The following THAP4 variants were observed in gnomAD, a reference collection of about 807,000 sequenced individuals.
THAP4 encodes the protein THAP domain containing 4, also known as peroxynitrite isomerase THAP4.
THAP4 carries 18 observed loss-of-function variants against 48.1 expected under a neutral mutation model. That is an observed-to-expected ratio of 0.37 (90% CI 0.26 to 0.56). THAP4 has a LOEUF of 0.56. THAP4 is among the 20% of genes least tolerant of loss of function. The pLI, the probability that THAP4 is intolerant of heterozygous loss-of-function variation, is 0.78. For missense variants in THAP4, 656 were observed against 774.9 expected (o/e 0.85, Z 1.82); for synonymous variants, 345 against 324.9 (o/e 1.06, Z -0.66).
At chr2:241,623,003 G>A (rs1008944078) in intron 2 of THAP4, among the ~76,000 whole-genome samples, 13 of 149,330 alleles carry the variant, frequency 8.7e-5, no homozygotes, top group African/African-American at 2.7e-4. Context: ...GGATCACAAT[G>A]TCAGGAGATC....
chr2:241,602,924 G>A (rs746952811), intron 4 of THAP4, 46 bp downstream of exon 4: 1 of 1,436,110 alleles, frequency 7.0e-7, no homozygotes, highest in Non-Finnish European at 9.8e-7. Flanking sequence ...AATGCAGGCA[G>A]CAGCCTCCCA....
At chr2:241,620,601 C>G (rs1397076385) in intron 2 of THAP4, among the ~76,000 whole-genome samples, 1 of 105,438 alleles carries the variant, frequency 9.5e-6, no homozygotes, top group African/African-American at 3.9e-5. Flanking sequence ...GTGAGTGAGT[C>G]AGTGAGTGAG....
chr2:241,633,007 C>T lies in THAP4; in HGVS notation c.1150G>A (p.Asp384Asn), dbSNP rs762065419. 150 of 1,613,570 alleles carry T rather than the reference C, an allele frequency of 9.3e-5. 1 individual carries two copies. Among genetic ancestry groups the T allele is most frequent in the South Asian group, 5.8e-4 (53 of 91,040 alleles). Residue 384 changes from aspartate (D) to asparagine (N), a missense_variant, in exon 2 of 6, where the codon GAC becomes AAC. Physicochemically the swap from Asp to Asn is conservative, Grantham distance 23. Coordinates refer to ENST00000407315, the MANE Select transcript of THAP4 (RefSeq NM_015963.6). The surrounding 1 kb of genome is among the most constrained non-coding windows in gnomAD (Gnocchi z 7.5). The part of the protein sequence containing the change: ...KSLRQRVSRS[D>N]SQVRKLQEKL... ...TCCTGTAGCTTCCGCACCTGGCTGT[C>T]GGAGCGGCTGACCCTCTGCCGCAGG... is the stretch of plus-strand genomic sequence containing the variant.
chr2:241,612,295 TAGA>T lies in THAP4; in HGVS notation c.1241-5825_1241-5823del, dbSNP rs1252839885. Among the ~76,000 whole-genome samples the T allele has an allele frequency of 2.0e-5, 3 of 151,828 alleles. No homozygotes were observed. The highest frequency in any genetic ancestry group is 7.3e-5 in the African/African-American group (3 of 41,294). The stretch of plus-strand genomic sequence containing the variant: ...AAAGATAGAGAAATGGAAACAAAGT[TAGA>T]AGGACGGGAACGCCTGGCACACTGC... On this transcript the variant is annotated intron_variant, in intron 2 of 5. Transcript: ENST00000407315. The surrounding 1 kb of genome is among the most constrained non-coding windows in gnomAD (Gnocchi z 4.1).
chr2:241,595,157 T>G (rs545558379), intron 5 of THAP4, among the ~76,000 whole-genome samples: 1 of 152,046 alleles, frequency 6.6e-6, no homozygotes, highest in Admixed American at 6.6e-5. Context: ...GGATTACAGG[T>G]GCCTGTCACC....
At chr2:241,627,782 A>G (rs1192204084) in intron 2 of THAP4, among the ~76,000 whole-genome samples, 1 of 152,136 alleles carries the variant, frequency 6.6e-6, no homozygotes, top group Non-Finnish European at 1.5e-5. Flanking sequence ...TCCTCTCCCC[A>G]CCACACCCTC....
chr2:241,585,260 G>A (rs113679760), intron 5 of THAP4, among the ~76,000 whole-genome samples: 71 of 152,238 alleles, frequency 4.7e-4, no homozygotes, highest in Non-Finnish European at 8.1e-4. Context: ...AAGAATCCAA[G>A]CCTATGGCAG....
intron 2 of THAP4, among the ~76,000 whole-genome samples, chr2:241,629,827 GGGA>G (rs2067535572): frequency 6.6e-6 from 1 of 151,554 alleles, no homozygotes; most frequent in African/African-American, 2.4e-5. Context: ...AGAACCACAG[GGGA>G]GGTCTACCTC....
chr2:241,590,496 T>C (rs62192979), intron 5 of THAP4, among the ~76,000 whole-genome samples: 2,978 of 114,730 alleles, frequency 0.026, 16 homozygotes, highest in Middle Eastern at 0.047. Flanking sequence ...GCTCGGCTGA[T>C]GATAATGGGC....
chr2:241,602,883 T>A lies in THAP4; in HGVS notation c.1510+87A>T, dbSNP rs6437269. 3.9e-6 allele frequency: 4 copies of A among 1,015,860 alleles called. No homozygotes were observed. The African/African-American group carries it at 4.7e-5, about 12-fold the overall frequency. 62.9% of individuals were successfully genotyped at this position (1,015,860 alleles called of 1,614,324 possible). On this transcript the variant is annotated intron_variant, in intron 4 of 5. Transcript: ENST00000407315. ...CCACCAGCACATGCCTCAGCAGGGTTGCACATGGGCATCCCTGCACCCCTG... is the reference window on the plus strand; with the variant it reads ...CCACCAGCACATGCCTCAGCAGGGTAGCACATGGGCATCCCTGCACCCCTG...
intron 1 of THAP4, among the ~76,000 whole-genome samples, chr2:241,635,203 T>C (rs957630811): frequency 2.0e-5 from 3 of 152,154 alleles, no homozygotes; most frequent in Non-Finnish European, 2.9e-5. Flanking sequence ...GAGGACCACT[T>C]GGGTCCAGGA....
intron 2 of THAP4, among the ~76,000 whole-genome samples, chr2:241,624,488 A>AC (rs1377349378): frequency 6.6e-6 from 1 of 151,330 alleles, no homozygotes; most frequent in African/African-American, 2.4e-5. Flanking sequence ...TCTTTCTCAA[A>AC]AAAAAAAAAA....
At chr2:241,604,974 A>G (rs1166840139) in intron 3 of THAP4, among the ~76,000 whole-genome samples, 1 of 152,202 alleles carries the variant, frequency 6.6e-6, no homozygotes, top group Non-Finnish European at 1.5e-5. Flanking sequence ...ACACACACAA[A>G]CACACATACC....
chr2:241,611,734 A>C (rs2067280224), intron 2 of THAP4, among the ~76,000 whole-genome samples: 1 of 151,910 alleles, frequency 6.6e-6, no homozygotes, highest in Non-Finnish European at 1.5e-5. Context: ...CAAAAAAAAA[A>C]AAAAAAAAAT....
chr2:241,636,439 G>C (rs1212123532), intron 1 of THAP4, among the ~76,000 whole-genome samples: 1 of 152,190 alleles, frequency 6.6e-6, no homozygotes, highest in Non-Finnish European at 1.5e-5. Context: ...AGGGAGCGCA[G>C]GAGGATGCCG....
At chr2:241,592,580 A>AACACCCACACAAACAGTAAAG (rs1320490537) in intron 5 of THAP4, among the ~76,000 whole-genome samples, 11 of 152,110 alleles carry the variant, frequency 7.2e-5, no homozygotes, top group Non-Finnish European at 1.6e-4. Flanking sequence ...CATGCCCACC[A>AACACCCACACAAACAGTAAAG]ACACCCACAC....
intron 2 of THAP4, among the ~76,000 whole-genome samples, chr2:241,626,680 C>A (rs2067499052): frequency 6.6e-6 from 1 of 151,928 alleles, no homozygotes; most frequent in Non-Finnish European, 1.5e-5. Flanking sequence ...CCTCCTGCCT[C>A]AGCCTCCTGA....
chr2:241,619,554 A>G (rs747903861), intron 2 of THAP4, among the ~76,000 whole-genome samples: 1 of 152,272 alleles, frequency 6.6e-6, no homozygotes, highest in Non-Finnish European at 1.5e-5. Flanking sequence ...ATCTAAACAT[A>G]GAAAACCTAC....
In THAP4 at chr2:241,634,046, T is replaced by C. The variant is rs1374838821; in HGVS notation, c.111A>G (p.Gln37=). The change falls in exon 2 of 6, where the codon CAA becomes CAG. Residue 37 remains glutamine, a synonymous_variant. Coordinates refer to ENST00000407315, the MANE Select transcript of THAP4 (RefSeq NM_015963.6). Reference sequence around the variant, plus strand: ...TATCCCTCTGAACAGCTTTTAACCATTGGATTAGACGTTTTGAGTCCTTTA... The same window carrying C: ...TATCCCTCTGAACAGCTTTTAACCACTGGATTAGACGTTTTGAGTCCTTTA... ...FPLKDSKRLI[Q]WLKAVQRDNW... is the part of the protein sequence containing the mutation. The C allele has an allele frequency of 6.8e-6, 11 of 1,606,414 alleles. No individual in the cohort carries two copies. Among genetic ancestry groups the C allele is most frequent in the Admixed American group, 1.7e-5 (1 of 58,572 alleles).
Sources: allele counts gnomAD v4.1 joint callset (sites outside exome capture counted in the v4.1 genomes callset), GRCh38; gene constraint gnomAD v4.1.1; non-coding constraint Gnocchi (gnomAD v3.1); transcripts MANE v1.5; gene names NCBI Gene and HGNC (gene_info 2026-07-23, HGNC 2026-07-21).